Variants in PLCB1 observed in about 807,000 individuals in gnomAD.
The protein encoded by PLCB1 is phospholipase C beta 1.
A neutral mutation model predicts 161.8 loss-of-function variants in PLCB1; 46 were observed. That is an observed-to-expected ratio of 0.28 (90% CI 0.22 to 0.36). The LOEUF (loss-of-function observed/expected upper bound fraction) is 0.36, where lower values mean the gene tolerates loss of function less well. PLCB1 is among the 10% of genes least tolerant of loss of function. PLCB1 has a pLI of 1.00. For synonymous variants in PLCB1, 517 were observed against 503.7 expected (o/e 1.03, Z -0.35); for missense variants, 1,016 against 1,472.5 (o/e 0.69, Z 5.07).
At chr20:8,312,993 T>G (rs1984478043) in intron 2 of PLCB1, among the ~76,000 whole-genome samples, 2 of 152,190 alleles carry the variant, frequency 1.3e-5, no homozygotes. Flanking sequence ...AATGATGTCA[T>G]GTATATTTGT....
chr20:8,372,981 T>C (rs76083575), intron 3 of PLCB1, among the ~76,000 whole-genome samples: 2,068 of 152,256 alleles, frequency 0.014, 15 homozygotes, highest in Middle Eastern at 0.027. Context: ...ATCTGTCTCT[T>C]TTATTGCGGT....
chr20:8,793,990 C>T (rs920567767), intron 31 of PLCB1, among the ~76,000 whole-genome samples: 2 of 152,166 alleles, frequency 1.3e-5, no homozygotes, highest in African/African-American at 4.8e-5. Context: ...AAGAATTCAG[C>T]GATATTTCTC....
intron 10 of PLCB1, among the ~76,000 whole-genome samples, chr20:8,687,437 C>G (rs1334429904): frequency 6.6e-6 from 1 of 152,142 alleles, no homozygotes; most frequent in East Asian, 1.9e-4. Flanking sequence ...GATCCTGGTG[C>G]ACCCATCACC....
At chr20:8,699,032 G>A (rs983472528) in intron 11 of PLCB1, among the ~76,000 whole-genome samples, 1 of 152,162 alleles carries the variant, frequency 6.6e-6, no homozygotes, top group Non-Finnish European at 1.5e-5. Flanking sequence ...GGGAAATCTG[G>A]GGTCCTAGGT....
chr20:8,750,933 CTT>C (rs769913295), intron 23 of PLCB1: 4,603 of 408,630 alleles, frequency 0.011, no homozygotes, highest in Middle Eastern at 0.014. Flanking sequence ...GAACTGCACT[CTT>C]TTTTTTTTTT....
chr20:8,571,714 A>G (rs1013656484), intron 3 of PLCB1, among the ~76,000 whole-genome samples: 3 of 152,184 alleles, frequency 2.0e-5, no homozygotes, highest in African/African-American at 7.2e-5. Context: ...GGCTAACTCA[A>G]TTATTTTATG....
intron 3 of PLCB1, among the ~76,000 whole-genome samples, chr20:8,594,932 T>C (rs1344970359): frequency 6.6e-6 from 1 of 152,156 alleles, no homozygotes; most frequent in Non-Finnish European, 1.5e-5. Context: ...AACTTTTGAA[T>C]TGTTTTTAAA....
intron 3 of PLCB1, among the ~76,000 whole-genome samples, chr20:8,562,929 C>CT (rs1986189224): frequency 1.3e-5 from 2 of 151,942 alleles, no homozygotes; most frequent in South Asian, 4.1e-4. Flanking sequence ...CACACACTCA[C>CT]TTTTTTTATG....
chr20:8,197,238 C>T (rs577781316), intron 2 of PLCB1, among the ~76,000 whole-genome samples: 12 of 152,162 alleles, frequency 7.9e-5, no homozygotes, highest in Non-Finnish European at 1.3e-4. Flanking sequence ...CCTGAGGAAT[C>T]GCCACACTGT....
intron 2 of PLCB1, among the ~76,000 whole-genome samples, chr20:8,219,421 G>T (rs1979297793): frequency 6.6e-6 from 1 of 152,172 alleles, no homozygotes; most frequent in Non-Finnish European, 1.5e-5. Flanking sequence ...GCAGGTTTCA[G>T]TTAGAGTTAT....
intron 2 of PLCB1, among the ~76,000 whole-genome samples, chr20:8,226,082 C>T (rs1310970152): frequency 6.6e-6 from 1 of 152,066 alleles, no homozygotes; most frequent in African/African-American, 2.4e-5. Context: ...TGGTTGAGGG[C>T]TCTTATATTG....
At chr20:8,757,271 C>T in intron 24 of PLCB1, 93 bp downstream of exon 24, 1 of 1,322,496 alleles carries the variant, frequency 7.6e-7, no homozygotes, top group Non-Finnish European at 1.0e-6. Flanking sequence ...GTAGCTAAAG[C>T]ATCAAGTGGG....
intron 2 of PLCB1, among the ~76,000 whole-genome samples, chr20:8,182,968 T>C (rs554732610): frequency 3.4e-5 from 4 of 116,544 alleles, no homozygotes; most frequent in Admixed American, 9.8e-5. Flanking sequence ...CAAATATGAC[T>C]CTTCTGGTTA....
intron 2 of PLCB1, among the ~76,000 whole-genome samples, chr20:8,180,217 G>A (rs2051827377): frequency 6.6e-6 from 1 of 152,124 alleles, no homozygotes; most frequent in Non-Finnish European, 1.5e-5. Context: ...TAATCGTGTG[G>A]TTTTTGGTTT....
intron 3 of PLCB1, chr20:8,600,800 T>C (rs1987550385): frequency 6.6e-6 from 1 of 152,000 alleles, no homozygotes; most frequent in African/African-American, 2.4e-5. Context: ...TGTAATCTCC[T>C]GGTGCGCCGT....
At chr20:8,716,227 T>A (rs750106080) in intron 12 of PLCB1, 37 bp from the exon 13 acceptor site, 2 of 1,508,080 alleles carry the variant, frequency 1.3e-6, no homozygotes, top group Non-Finnish European at 1.8e-6. Context: ...TGGATAAGCC[T>A]CCCTACTTTC....
intron 2 of PLCB1, among the ~76,000 whole-genome samples, chr20:8,246,524 C>G: frequency 6.6e-6 from 1 of 151,936 alleles, no homozygotes; most frequent in East Asian, 1.9e-4. Context: ...TCTGTTAAAG[C>G]AAGTCACAAA....
rs558107551 is a variant in PLCB1 at position 8,269,306 on chromosome 20, C to A, written c.178-102076C>A. ...GTGTCCATGTGTTCTCATTGTTCAACTCCCGCTTATGAGTGAGAACATGCA... is the reference window on the plus strand; with the variant it reads ...GTGTCCATGTGTTCTCATTGTTCAAATCCCGCTTATGAGTGAGAACATGCA... On this transcript the variant is annotated intron_variant, in intron 2 of 31. Coordinates refer to ENST00000338037, the MANE Select transcript of PLCB1 (RefSeq NM_015192.4). Among the ~76,000 whole-genome samples, 7 of 152,098 alleles carry A rather than the reference C, an allele frequency of 4.6e-5. No individual in the cohort carries two copies. The South Asian group carries it at 1.5e-3, about 32-fold the overall frequency.
intron 2 of PLCB1, among the ~76,000 whole-genome samples, chr20:8,338,440 A>G (rs1299236345): frequency 6.6e-6 from 1 of 152,214 alleles, no homozygotes; most frequent in African/African-American, 2.4e-5. Flanking sequence ...ATTGTTAAAT[A>G]GAAAGGGCAC....
Sources: allele counts gnomAD v4.1 joint callset (sites outside exome capture counted in the v4.1 genomes callset), GRCh38; gene constraint gnomAD v4.1.1; transcripts MANE v1.5; gene names NCBI Gene and HGNC (gene_info 2026-07-23, HGNC 2026-07-21).